Variants in PRICKLE2 observed in about 807,000 individuals in gnomAD.
The protein encoded by PRICKLE2 is prickle planar cell polarity protein 2, also known as prickle-like protein 2.
A neutral mutation model predicts 81.4 loss-of-function variants in PRICKLE2; 21 were observed. That is an observed-to-expected ratio of 0.26 (90% CI 0.18 to 0.37). PRICKLE2 has a LOEUF of 0.37. PRICKLE2 is among the 10% of genes least tolerant of loss of function. The pLI is 1.00. For missense variants in PRICKLE2, 940 were observed against 1,109.0 expected (o/e 0.85, Z 2.16); for synonymous variants, 456 against 421.5 (o/e 1.08, Z -1.00).
intron 7 of PRICKLE2, among the ~76,000 whole-genome samples, chr3:64,128,968 TG>T (rs2077158160): frequency 6.6e-6 from 1 of 152,036 alleles, no homozygotes; most frequent in African/African-American, 2.4e-5. Context: ...GATAATTCCT[TG>T]ATGTGGAGGC....
intron 4 of PRICKLE2, among the ~76,000 whole-genome samples, chr3:64,157,920 T>C (rs1300657614): frequency 6.6e-6 from 1 of 152,220 alleles, no homozygotes; most frequent in Admixed American, 6.5e-5. Context: ...TCTTTCTACA[T>C]AGTCTTGATT....
chr3:64,130,602 C>A (rs2077182017), intron 7 of PRICKLE2, among the ~76,000 whole-genome samples: 1 of 152,170 alleles, frequency 6.6e-6, no homozygotes, highest in East Asian at 1.9e-4. Context: ...CACATGTACA[C>A]CCAGAACCAA....
Position 64,145,261 on chromosome 3 carries a change from A to G in PRICKLE2, c.1660+1569T>C, listed in dbSNP as rs1244497883. On this transcript the variant is annotated intron_variant, in intron 7 of 7. Transcript: ENST00000638394. ...ACTATGAGCATGTGCCACCAAGTCC[A>G]GCTAATTTATATATATATATATAAT... The G allele has an allele frequency of 3.4e-5, 5 of 146,590 alleles. No homozygotes were observed. In the East Asian group the frequency reaches 9.9e-4, roughly 29 times the overall value. 9.1% of individuals were successfully genotyped at this position (146,590 alleles called of 1,614,324 possible). A position where few individuals can be genotyped will look rare whatever the true frequency, so the allele number is the denominator to read the frequency against.
chr3:64,191,445 A>G (rs77345981), intron 2 of PRICKLE2, among the ~76,000 whole-genome samples: 2 of 152,218 alleles, frequency 1.3e-5, no homozygotes, highest in African/African-American at 4.8e-5. Flanking sequence ...CTCCAGGTCT[A>G]ATAGTACCGG....
At chr3:64,141,925 G>C in intron 7 of PRICKLE2, 1 of 984,734 alleles carries the variant, frequency 1.0e-6, no homozygotes, top group Non-Finnish European at 1.2e-6. Flanking sequence ...GCCTTTTGTG[G>C]CACGTACCTG....
At chr3:64,189,390 C>CA (rs2078292703) in intron 2 of PRICKLE2, among the ~76,000 whole-genome samples, 1 of 152,198 alleles carries the variant, frequency 6.6e-6, no homozygotes, top group Non-Finnish European at 1.5e-5. Context: ...GTGACTCATG[C>CA]TGTTCCCCTC....
chr3:64,106,548 A>T (rs1245987134), intron 7 of PRICKLE2, among the ~76,000 whole-genome samples: 1 of 152,210 alleles, frequency 6.6e-6, no homozygotes, highest in Non-Finnish European at 1.5e-5. Context: ...AACGCCAGCC[A>T]CTGTTGTAAA....
intron 1 of PRICKLE2, among the ~76,000 whole-genome samples, chr3:64,215,765 A>G (rs1016314693): frequency 6.6e-6 from 1 of 152,376 alleles, no homozygotes; most frequent in East Asian, 1.9e-4. Flanking sequence ...AAGATGAGGT[A>G]GAGAAAAATA....
At chr3:64,166,120 T>G (rs2077828789) in intron 2 of PRICKLE2, among the ~76,000 whole-genome samples, 1 of 152,114 alleles carries the variant, frequency 6.6e-6, no homozygotes, top group African/African-American at 2.4e-5. Context: ...TTCTGTTCTC[T>G]CTGAGCCCAG....
At chr3:64,161,996 T>C (rs1159355189) in intron 3 of PRICKLE2, among the ~76,000 whole-genome samples, 1 of 152,182 alleles carries the variant, frequency 6.6e-6, no homozygotes, top group Non-Finnish European at 1.5e-5. Flanking sequence ...ATAGCTCTCT[T>C]TTTAGGGAAC....
At chr3:64,133,369 C>T (rs1314371120) in intron 7 of PRICKLE2, among the ~76,000 whole-genome samples, 1 of 152,056 alleles carries the variant, frequency 6.6e-6, no homozygotes, top group Non-Finnish European at 1.5e-5. Context: ...GAAGAGGAGC[C>T]AGAGCTGGAA....
intron 2 of PRICKLE2, among the ~76,000 whole-genome samples, chr3:64,190,972 G>C (rs991177838): frequency 6.6e-6 from 1 of 152,116 alleles, no homozygotes; most frequent in South Asian, 2.1e-4. Context: ...AAGCCTGCTT[G>C]GGGCATTAGA....
At chr3:64,185,288 C>A (rs150728751) in intron 2 of PRICKLE2, among the ~76,000 whole-genome samples, 3 of 151,982 alleles carry the variant, frequency 2.0e-5, no homozygotes, top group African/African-American at 4.8e-5. Flanking sequence ...TGTTTACAGA[C>A]CCCCCCTAGA....
chr3:64,237,561 C>T (rs910243709), intron 2 of PRICKLE2, among the ~76,000 whole-genome samples: 2 of 152,122 alleles, frequency 1.3e-5, no homozygotes, highest in African/African-American at 4.8e-5. Flanking sequence ...ACCTCTCTGC[C>T]CTGCTCCTCT....
At position 64,099,770 on chromosome 3, in the gene PRICKLE2, G is replaced by C; in HGVS notation, c.1816C>G (p.Arg606Gly). 6.2e-7 allele frequency: 1 copy of C among 1,614,202 alleles called. No individual in the cohort carries two copies. The highest frequency in any genetic ancestry group is 8.5e-7 in the Non-Finnish European group (1 of 1,180,040). The change falls in exon 8 of 8, where the codon CGC becomes GGC. Residue 606 changes from arginine (R) to glycine (G), a missense_variant. Around this residue, in one of 2 missense-constraint regions of PRICKLE2, gnomAD observed 670 missense variants for 717.2 expected, o/e 0.93. Coordinates refer to ENST00000638394, the MANE Select transcript of PRICKLE2 (RefSeq NM_198859.4). The surrounding 1 kb of genome is among the most constrained non-coding windows in gnomAD (Gnocchi z 4.3). ...TACTGCTGGGCAGAGAGCAGGCTGC[G>C]AACTGACTCTGCGCTCCGGAACTGC... The part of the protein sequence containing the change: ...SMQFRSAESV[R>G]SLLSAQQYQE...
At chr3:64,120,117 C>A (rs2077002314) in intron 7 of PRICKLE2, among the ~76,000 whole-genome samples, 1 of 152,084 alleles carries the variant, frequency 6.6e-6, no homozygotes, top group African/African-American at 2.4e-5. Flanking sequence ...ATGCTCAGTA[C>A]CTGGGTGACA....
intron 1 of PRICKLE2, 175 bp from the exon 2 acceptor site, chr3:64,199,142 T>C (rs1165138490): frequency 3.0e-6 from 2 of 661,666 alleles, no homozygotes; most frequent in Non-Finnish European, 5.3e-6. Context: ...GCAGAGGGCG[T>C]GGTACACGCA....
chr3:64,201,147 T>C (rs1433212571), intron 1 of PRICKLE2, among the ~76,000 whole-genome samples: 1 of 151,604 alleles, frequency 6.6e-6, no homozygotes, highest in Non-Finnish European at 1.5e-5. Context: ...GCCAGGATGG[T>C]CTTGATCTCC....
chr3:64,239,125 G>A (rs1329039522), intron 2 of PRICKLE2, among the ~76,000 whole-genome samples: 2 of 152,108 alleles, frequency 1.3e-5, no homozygotes, highest in Non-Finnish European at 1.5e-5. Flanking sequence ...CTCTGAGGGG[G>A]CCAGGCATGC....
Sources: gnomAD v4.1 joint callset for allele counts (sites outside exome capture counted in the v4.1 genomes callset) on GRCh38, gnomAD v4.1.1 for gene constraint, gnomAD v4.1.1 regional missense constraint, Gnocchi (gnomAD v3.1) non-coding constraint, MANE v1.5 for transcripts, NCBI Gene and HGNC (gene_info 2026-07-23, HGNC 2026-07-21) for gene names.